MAP7: variants seen among roughly 807,000 people sequenced by gnomAD.
MAP7 encodes microtubule associated protein 7, also known as ensconsin.
MAP7 carries 52 observed loss-of-function variants against 94.8 expected under a neutral mutation model. The observed-to-expected ratio is 0.55, with a 90% CI of 0.44 to 0.69. The LOEUF is 0.69. MAP7 is among the 30% of genes least tolerant of loss of function. The pLI is 0.00. For missense variants in MAP7, 940 were observed against 964.6 expected, an observed-to-expected ratio of 0.97 and a Z score of 0.34; for synonymous variants, 350 against 357.0, an observed-to-expected ratio of 0.98 and a Z score of 0.22.
chr6:136,425,047 G>A (rs1792736370), intron 1 of MAP7, among the ~76,000 whole-genome samples: 1 of 152,160 alleles, frequency 6.6e-6, no homozygotes, highest in Non-Finnish European at 1.5e-5. Context: ...CATACGCTAT[G>A]TTTTTTGGAT....
chr6:136,447,642 T>C (rs1251462241), intron 1 of MAP7, among the ~76,000 whole-genome samples: 1 of 152,182 alleles, frequency 6.6e-6, no homozygotes, highest in Non-Finnish European at 1.5e-5. Context: ...AGGAAAAATT[T>C]AAAGCCTCAA....
intron 1 of MAP7, among the ~76,000 whole-genome samples, chr6:136,464,671 A>C (rs1018680437): frequency 6.6e-6 from 1 of 152,262 alleles, no homozygotes; most frequent in African/African-American, 2.4e-5. Flanking sequence ...GATTTTATAT[A>C]AAACCATATC....
chr6:136,351,099 A>T (rs1002992237), intron 16 of MAP7, among the ~76,000 whole-genome samples: 1 of 152,182 alleles, frequency 6.6e-6, no homozygotes, highest in African/African-American at 2.4e-5. Flanking sequence ...GGCAGTCTGT[A>T]AAAGCAGTGG....
chr6:136,368,583 G>A (rs537206222), intron 8 of MAP7, among the ~76,000 whole-genome samples: 36 of 152,120 alleles, frequency 2.4e-4, no homozygotes, highest in Admixed American at 4.6e-4. Context: ...TTGCCTATTT[G>A]AATTTAAATC....
intron 1 of MAP7, among the ~76,000 whole-genome samples, chr6:136,459,518 C>T (rs1331232466): frequency 6.6e-6 from 1 of 152,054 alleles, no homozygotes; most frequent in Non-Finnish European, 1.5e-5. Context: ...AATTGTTCAT[C>T]TACAAGTGAA....
intron 1 of MAP7, among the ~76,000 whole-genome samples, chr6:136,450,148 C>T (rs548026769): frequency 2.6e-5 from 4 of 152,314 alleles, no homozygotes; most frequent in Non-Finnish European, 4.4e-5. Context: ...TGTGCCACTG[C>T]ACGCCAGCCT....
chr6:136,470,110 G>A (rs944628690), intron 1 of MAP7, among the ~76,000 whole-genome samples: 5 of 152,106 alleles, frequency 3.3e-5, no homozygotes, highest in Admixed American at 6.6e-5. Context: ...CCGCTAACAT[G>A]TGGAGGCCCT....
At chr6:136,364,503 A>G in intron 10 of MAP7, 1 of 244,266 alleles carries the variant, frequency 4.1e-6, no homozygotes, top group Non-Finnish European at 8.0e-6. Flanking sequence ...TGAACTCTTA[A>G]AAAAAATTCT....
chr6:136,402,946 G>A (rs376841245), intron 3 of MAP7, among the ~76,000 whole-genome samples: 3,223 of 111,900 alleles, frequency 0.029, 72 homozygotes, highest in African/African-American at 0.069. Flanking sequence ...AAAAAAGAAA[G>A]AAAAAGAAAA....
chr6:136,373,305 T>C (rs1485152234), intron 7 of MAP7, among the ~76,000 whole-genome samples: 2 of 152,218 alleles, frequency 1.3e-5, no homozygotes. Context: ...TTCCGGGTTT[T>C]CCCAAAAGCC....
chr6:136,353,673 C>T (rs1789887607), intron 16 of MAP7, among the ~76,000 whole-genome samples: 1 of 152,114 alleles, frequency 6.6e-6, no homozygotes, highest in Admixed American at 6.5e-5. Context: ...CCCACCTCAG[C>T]CCCCCAAGTA....
intron 1 of MAP7, among the ~76,000 whole-genome samples, chr6:136,497,689 C>A (rs1306332716): frequency 6.6e-6 from 1 of 150,598 alleles, no homozygotes; most frequent in Non-Finnish European, 1.5e-5. Flanking sequence ...ATCCCAGCTA[C>A]TCAGGAGGCT....
At chr6:136,542,543 A>G (rs142825918) in intron 1 of MAP7, among the ~76,000 whole-genome samples, 1 of 152,344 alleles carries the variant, frequency 6.6e-6, no homozygotes, top group African/African-American at 2.4e-5. Context: ...TCCAAGTTCT[A>G]GAAAGCCATA....
At chr6:136,514,339 C>T (rs1014545549) in intron 1 of MAP7, among the ~76,000 whole-genome samples, 1 of 152,112 alleles carries the variant, frequency 6.6e-6, no homozygotes, top group East Asian at 1.9e-4. Context: ...AATCCCAGCA[C>T]GTTGGGAGGC....
chr6:136,360,011 T>G lies in MAP7; in HGVS notation c.1824A>C (p.Lys608Asn). 1 of 1,613,354 alleles carries G rather than the reference T, an allele frequency of 6.2e-7. No homozygotes were observed. ...ERKKRLEEIM[K>N]RTRRTEATDK... ...CTGTAGCTTCTGTTCTCCTGGTTCT[T>G]TTCATAATCTCCTCAAGTCGCTATA... Residue 608 changes from lysine to asparagine, a missense_variant, in exon 14 of 18, where the codon AAA (lysine) becomes AAC (asparagine). Physicochemically the swap from Lys to Asn is moderately conservative, Grantham distance 94. Transcript: ENST00000354570.
At chr6:136,468,361 T>C (rs1309450132) in intron 1 of MAP7, among the ~76,000 whole-genome samples, 1 of 152,208 alleles carries the variant, frequency 6.6e-6, no homozygotes, top group Non-Finnish European at 1.5e-5. Context: ...AACCCTATTA[T>C]GACGCCAGTT....
intron 1 of MAP7, among the ~76,000 whole-genome samples, chr6:136,536,839 T>C (rs952390642): frequency 4.6e-5 from 7 of 152,242 alleles, no homozygotes; most frequent in African/African-American, 1.7e-4. Context: ...ACATCTGTAA[T>C]AGAAAGCAAC....
intron 1 of MAP7, among the ~76,000 whole-genome samples, chr6:136,524,563 G>T (rs1433341048): frequency 6.6e-6 from 1 of 152,126 alleles, no homozygotes; most frequent in African/African-American, 2.4e-5. Context: ...GAGGTCATTT[G>T]GTTCTCAGAC....
chr6:136,525,967 C>G, intron 1 of MAP7: 3 of 1,490,198 alleles, frequency 2.0e-6, no homozygotes, highest in Non-Finnish European at 2.6e-6. Context: ...CCAGGCATAC[C>G]GCTGCTACTT....
Sources: gnomAD v4.1 joint callset for allele counts (sites outside exome capture counted in the v4.1 genomes callset) on GRCh38, gnomAD v4.1.1 for gene constraint, MANE v1.5 for transcripts, NCBI Gene and HGNC (gene_info 2026-07-23, HGNC 2026-07-21) for gene names.